LRRC7: variants seen among roughly 807,000 people sequenced by gnomAD.
LRRC7 encodes leucine-rich repeat-containing protein 7.
In LRRC7, 23 loss-of-function variants were observed where a neutral mutation model predicts 175.7. The ratio of observed to expected loss-of-function variants is 0.13; its 90% CI spans 0.09 to 0.19. The LOEUF is 0.19. Ranked by LOEUF, LRRC7 falls within the 10% of genes least tolerant of loss-of-function variation. The pLI, the probability that LRRC7 is intolerant of heterozygous loss-of-function variation, is 1.00. For missense variants in LRRC7, 1,354 were observed against 1,904.7 expected (o/e 0.71, Z 5.38); for synonymous variants, 685 against 680.9 (o/e 1.01, Z -0.09).
At chr1:69,957,339 A>G (rs566085161) in intron 8 of LRRC7, among the ~76,000 whole-genome samples, 3 of 151,844 alleles carry the variant, frequency 2.0e-5, no homozygotes, top group Non-Finnish European at 4.4e-5. Context: ...TTTTTAATAT[A>G]GATTCTTACT....
chr1:69,768,230 T>C (rs1671835310), intron 3 of LRRC7, among the ~76,000 whole-genome samples: 1 of 152,186 alleles, frequency 6.6e-6, no homozygotes, highest in Non-Finnish European at 1.5e-5. Context: ...TAGAGCTCCA[T>C]GTTCATGACT....
At chr1:69,930,589 T>A (rs981754806) in intron 7 of LRRC7, among the ~76,000 whole-genome samples, 6 of 152,094 alleles carry the variant, frequency 3.9e-5, no homozygotes, top group African/African-American at 1.2e-4. Flanking sequence ...TGCACTTGGG[T>A]TCCCTGAACT....
chr1:69,851,652 G>A (rs900784865), intron 7 of LRRC7, among the ~76,000 whole-genome samples: 9 of 152,122 alleles, frequency 5.9e-5, no homozygotes, highest in African/African-American at 2.2e-4. Context: ...CTGAGCACAA[G>A]TAGAAAATAT....
intron 22 of LRRC7, 112 bp downstream of exon 22, chr1:70,044,206 AG>A: frequency 9.1e-7 from 1 of 1,102,496 alleles, no homozygotes; most frequent in Middle Eastern, 3.1e-4. Context: ...GGCTCCTATG[AG>A]TCCAAAAAGC....
intron 11 of LRRC7, 21 bp from the exon 12 acceptor site, chr1:70,011,776 C>T (rs762722616): frequency 9.9e-6 from 15 of 1,511,868 alleles, no homozygotes; most frequent in Admixed American, 1.7e-5. Context: ...AAATGTCTAA[C>T]TAATGTATTT....
intron 7 of LRRC7, among the ~76,000 whole-genome samples, chr1:69,884,733 TATG>T (rs1686991883): frequency 6.8e-6 from 1 of 146,450 alleles, no homozygotes. Context: ...GCCCATTCAG[TATG>T]ATATTGGCTG....
intron 26 of LRRC7, among the ~76,000 whole-genome samples, chr1:70,113,032 C>T (rs978000657): frequency 3.3e-5 from 5 of 152,062 alleles, no homozygotes; most frequent in Admixed American, 6.6e-5. Context: ...GAGCGAGGCT[C>T]AGGATGGCGA....
Position 70,099,131 on chromosome 1 carries a change from G to T in LRRC7, c.4546-8621G>T, listed in dbSNP as rs1232253021. Among the ~76,000 whole-genome samples the T allele has an allele frequency of 4.2e-5, 6 of 143,818 alleles. No individual in the cohort carries two copies. The South Asian group carries it at 1.2e-3, about 28-fold the overall frequency. 94.4% of individuals were successfully genotyped at this position (143,818 alleles called of 152,430 possible). A position where few individuals can be genotyped will look rare whatever the true frequency, so the allele number is the denominator to read the frequency against. On this transcript the variant is annotated intron_variant, in intron 25 of 26. Coordinates refer to ENST00000651989, the MANE Select transcript of LRRC7 (RefSeq NM_001370785.2). ...CAAAAAGCTTATCCACCATGATCAA[G>T]TGGGCTTCATCCCTGGGATGCAAGG...
intron 23 of LRRC7, among the ~76,000 whole-genome samples, chr1:70,065,191 A>G (rs1455619235): frequency 5.3e-5 from 8 of 152,024 alleles, no homozygotes; most frequent in African/African-American, 1.9e-4. Context: ...TAAACTATGT[A>G]GTAAACTGTA....
At chr1:70,089,585 A>G (rs1212111602) in intron 24 of LRRC7, 142 bp from the exon 25 acceptor site, 4 of 530,542 alleles carry the variant, frequency 7.5e-6, no homozygotes, top group African/African-American at 5.9e-5. Context: ...CAAAGTTTAT[A>G]TTGTCTTTTG....
At chr1:69,969,567 A>G (rs1186004393) in intron 8 of LRRC7, among the ~76,000 whole-genome samples, 1 of 152,228 alleles carries the variant, frequency 6.6e-6, no homozygotes, top group Non-Finnish European at 1.5e-5. Context: ...GCCTTGTCCA[A>G]CATGAAAATA....
intron 1 of LRRC7, among the ~76,000 whole-genome samples, chr1:69,664,966 G>T (rs909369726): frequency 4.6e-5 from 7 of 152,054 alleles, no homozygotes; most frequent in African/African-American, 1.2e-4. Flanking sequence ...AATCCATTTT[G>T]ATTTGATCTT....
chr1:69,668,999 T>A (rs1344889239), intron 1 of LRRC7, among the ~76,000 whole-genome samples: 1 of 152,238 alleles, frequency 6.6e-6, no homozygotes, highest in African/African-American at 2.4e-5. Context: ...GGTTGTTTGT[T>A]GTAATTTTTA....
At chr1:69,718,844 G>T (rs1666039770) in intron 2 of LRRC7, among the ~76,000 whole-genome samples, 2 of 151,862 alleles carry the variant, frequency 1.3e-5, no homozygotes, top group South Asian at 4.1e-4. Context: ...GAATGATTGA[G>T]GGAAAAAAAG....
intron 7 of LRRC7, among the ~76,000 whole-genome samples, chr1:69,869,770 T>C (rs974781611): frequency 1.3e-5 from 2 of 152,124 alleles, no homozygotes; most frequent in Admixed American, 6.6e-5. Flanking sequence ...GAATAATCAA[T>C]AGAGATCCCA....
chr1:69,902,216 C>T (rs1468644147), intron 7 of LRRC7, among the ~76,000 whole-genome samples: 1 of 152,144 alleles, frequency 6.6e-6, no homozygotes, highest in Non-Finnish European at 1.5e-5. Flanking sequence ...CTAATACATA[C>T]TCAAATGATG....
At position 70,141,006 on chromosome 1, in the gene LRRC7, TA is replaced by T. The variant is rs1263261868; in HGVS notation, c.*19122del. On this transcript the variant is annotated 3_prime_UTR_variant, in exon 27 of 27. Transcript: ENST00000651989. Reference sequence around the variant, plus strand: ...AATAAGTATGTCCTGAATTGAGCCTTAAATCAGTGACTAATAAGGCAATGGA... The same window carrying T: ...AATAAGTATGTCCTGAATTGAGCCTTAATCAGTGACTAATAAGGCAATGGA... 6.6e-6 allele frequency among the ~76,000 whole-genome samples: 1 copy of T among 152,064 alleles called. No individual in the cohort carries two copies. The highest frequency in any genetic ancestry group is 1.5e-5 in the Non-Finnish European group (1 of 67,988).
At chr1:69,597,119 A>G (rs976015973) in intron 1 of LRRC7, among the ~76,000 whole-genome samples, 1 of 152,234 alleles carries the variant, frequency 6.6e-6, no homozygotes, top group African/African-American at 2.4e-5. Flanking sequence ...ATGAATGCTC[A>G]AATAAAAATA....
Position 70,136,721 on chromosome 1 carries a change from C to CTTTTTTTTTT in LRRC7, c.*14849_*14858dup, listed in dbSNP as rs1204650835. Among the ~76,000 whole-genome samples the CTTTTTTTTTT allele has an allele frequency of 1.0e-5, 1 of 98,340 alleles. No individual in the cohort carries two copies. Among genetic ancestry groups the CTTTTTTTTTT allele is most frequent in the Non-Finnish European group, 2.0e-5 (1 of 50,366 alleles). The allele number at this position is 98,340 out of a possible 152,430, so 64.5% of individuals were successfully genotyped here. A position where few individuals can be genotyped will look rare whatever the true frequency, so the allele number is the denominator to read the frequency against. ...TTCTGCTTTATTGCTTTTTTAATGC[C>CTTTTTTTTTT]TTTTTTTTTTTTTTTTTTTTTTTTC... On this transcript the variant is annotated 3_prime_UTR_variant, in exon 27 of 27. Transcript: ENST00000651989.
Sources: gnomAD v4.1 joint callset for allele counts (sites outside exome capture counted in the v4.1 genomes callset) on GRCh38, gnomAD v4.1.1 for gene constraint, MANE v1.5 for transcripts, NCBI Gene and HGNC (gene_info 2026-07-23, HGNC 2026-07-21) for gene names.